Variants in SYN3 observed in about 807,000 individuals in gnomAD.
SYN3 encodes synapsin III, also known as synapsin-3.
Under a neutral mutation model 65.8 loss-of-function variants are expected in SYN3, and 35 were observed. That is an observed-to-expected ratio of 0.53 (90% CI 0.41 to 0.70). The LOEUF (loss-of-function observed/expected upper bound fraction) is 0.70. Among genes scored for constraint, SYN3 ranks in the 30% least tolerant of loss-of-function variants. The pLI, the probability that SYN3 is intolerant of heterozygous loss-of-function variation, is 0.00. For synonymous variants in SYN3, 270 were observed against 292.9 expected, an observed-to-expected ratio of 0.92 and a Z score of 0.80; for missense variants, 680 against 749.0, an observed-to-expected ratio of 0.91 and a Z score of 1.08.
intron 6 of SYN3, chr22:32,860,429 G>C (rs978791188): frequency 6.6e-6 from 1 of 152,590 alleles, no homozygotes; most frequent in Non-Finnish European, 1.5e-5. Context: ...TTTTTTACAG[G>C]ACACAGAATT....
At chr22:32,733,987 A>G (rs1339623201) in intron 6 of SYN3, among the ~76,000 whole-genome samples, 1 of 152,188 alleles carries the variant, frequency 6.6e-6, no homozygotes, top group Non-Finnish European at 1.5e-5. Flanking sequence ...GAGCCAAGCA[A>G]AGAGCCAAGA....
chr22:32,816,850 G>C (rs2047099020), intron 6 of SYN3, among the ~76,000 whole-genome samples: 1 of 152,196 alleles, frequency 6.6e-6, no homozygotes, highest in Non-Finnish European at 1.5e-5. Flanking sequence ...GATGGGGCAG[G>C]CAACATTTCT....
intron 6 of SYN3, among the ~76,000 whole-genome samples, chr22:32,694,292 C>T (rs535809772): frequency 4.6e-4 from 70 of 152,270 alleles, no homozygotes; most frequent in African/African-American, 1.6e-3. Flanking sequence ...CCCCATATCC[C>T]TTCCCCTGCC....
At chr22:32,753,938 G>C (rs760387990) in intron 6 of SYN3, among the ~76,000 whole-genome samples, 6 of 152,334 alleles carry the variant, frequency 3.9e-5, no homozygotes, top group East Asian at 3.9e-4. Context: ...AGAAATTGAG[G>C]CTCTGAGAAT....
intron 3 of SYN3, among the ~76,000 whole-genome samples, chr22:32,933,497 C>A (rs1333961258): frequency 1.3e-5 from 2 of 152,158 alleles, no homozygotes; most frequent in African/African-American, 2.4e-5. Flanking sequence ...GGCTCAATCT[C>A]GGCTCACTGC....
In SYN3 at chr22:32,780,934, T is replaced by C. The variant is rs7510688; in HGVS notation, c.711+83981A>G. Among the ~76,000 whole-genome samples, 24 of 82,684 alleles carry C rather than the reference T, an allele frequency of 2.9e-4. No homozygotes were observed. The East Asian group carries it at 3.3e-3, about 11-fold the overall frequency. The allele number at this position is 82,684 out of a possible 152,430, so 54.2% of individuals were successfully genotyped here. A position where few individuals can be genotyped will look rare whatever the true frequency, so the allele number is the denominator to read the frequency against. ...CTTGCTTCCTTCCTTCCTTCCTTCC[T>C]TTCCTTCCTTCCTTCCTTCCTTCCT... On this transcript the variant is annotated intron_variant, in intron 6 of 13. Transcript: ENST00000358763.
chr22:32,977,267 G>A (rs185234321), intron 3 of SYN3, among the ~76,000 whole-genome samples: 3 of 152,288 alleles, frequency 2.0e-5, no homozygotes, highest in African/African-American at 7.2e-5. Flanking sequence ...GTTATTCTTA[G>A]GGCAATTCCC....
chr22:32,954,623 C>T (rs1309224159), intron 3 of SYN3, among the ~76,000 whole-genome samples: 1 of 152,158 alleles, frequency 6.6e-6, no homozygotes, highest in Non-Finnish European at 1.5e-5. Flanking sequence ...GCATTAAGAT[C>T]AAGATGTGGA....
At chr22:32,952,664 A>G (rs1290046921) in intron 3 of SYN3, among the ~76,000 whole-genome samples, 2 of 152,174 alleles carry the variant, frequency 1.3e-5, no homozygotes, top group Non-Finnish European at 2.9e-5. Context: ...TCGAAGCGGA[A>G]GGCTCACTCG....
chr22:32,890,882 C>T (rs945387994), intron 4 of SYN3, among the ~76,000 whole-genome samples: 10 of 152,132 alleles, frequency 6.6e-5, no homozygotes, highest in Non-Finnish European at 1.0e-4. Context: ...TCCCTACTAG[C>T]GTGTCCTCTT....
At chr22:32,583,715 C>T (rs1287525290) in intron 7 of SYN3, among the ~76,000 whole-genome samples, 1 of 152,142 alleles carries the variant, frequency 6.6e-6, no homozygotes, top group Non-Finnish European at 1.5e-5. Context: ...TTCTATTAAG[C>T]ACTAATCAGG....
At chr22:32,861,726 C>G (rs572705306) in intron 6 of SYN3, 1 of 152,302 alleles carries the variant, frequency 6.6e-6, no homozygotes, top group Non-Finnish European at 1.5e-5. Flanking sequence ...AAGGGTCTTT[C>G]GCAAAGCGAT....
chr22:32,569,563 C>CTGTA (rs373627613), intron 7 of SYN3, among the ~76,000 whole-genome samples: 21 of 52,880 alleles, frequency 4.0e-4, no homozygotes, highest in African/African-American at 1.2e-3. Flanking sequence ...CTCTCTCTCT[C>CTGTA]TCTCTCTCTA....
intron 7 of SYN3, among the ~76,000 whole-genome samples, chr22:32,585,838 G>A (rs16990801): frequency 0.037 from 5,598 of 151,344 alleles, 206 homozygotes; most frequent in African/African-American, 0.092. Flanking sequence ...TTACAAGATG[G>A]GCATGTGTGT....
chr22:32,965,232 C>T (rs979050371), intron 3 of SYN3, among the ~76,000 whole-genome samples: 4 of 143,504 alleles, frequency 2.8e-5, no homozygotes, highest in African/African-American at 5.1e-5. Context: ...TCTTGCTTTA[C>T]CTGCACTGTA....
chr22:32,735,116 A>G (rs1288939232), intron 6 of SYN3, among the ~76,000 whole-genome samples: 2 of 152,132 alleles, frequency 1.3e-5, no homozygotes, highest in Non-Finnish European at 2.9e-5. Context: ...GGAAGTGTTT[A>G]CTGAGATCCT....
intron 7 of SYN3, among the ~76,000 whole-genome samples, chr22:32,569,769 T>A (rs989907472): frequency 6.6e-6 from 1 of 152,102 alleles, no homozygotes; most frequent in Non-Finnish European, 1.5e-5. Context: ...AATTTTCTCA[T>A]CCGTAAAATG....
At chr22:32,654,102 C>T (rs2060109874) in intron 6 of SYN3, among the ~76,000 whole-genome samples, 1 of 152,328 alleles carries the variant, frequency 6.6e-6, no homozygotes, top group East Asian at 1.9e-4. Flanking sequence ...TGTCTCCAGC[C>T]AGGCCTATGC....
At chr22:32,860,621 C>T (rs1397566147) in intron 6 of SYN3, 2 of 152,632 alleles carry the variant, frequency 1.3e-5, no homozygotes, top group African/African-American at 4.8e-5. Flanking sequence ...CCCTGTCCGT[C>T]TCCTTGTCCC....
Sources: gnomAD v4.1 joint callset for allele counts (sites outside exome capture counted in the v4.1 genomes callset) on GRCh38, gnomAD v4.1.1 for gene constraint, MANE v1.5 for transcripts, NCBI Gene and HGNC (gene_info 2026-07-23, HGNC 2026-07-21) for gene names.